Variants in EDIL3 observed in about 807,000 individuals in gnomAD.
EDIL3 encodes the protein EGF-like repeat and discoidin I-like domain-containing protein 3.
A neutral mutation model predicts 67.4 loss-of-function variants in EDIL3; 37 were observed. That is an observed-to-expected ratio of 0.55 (90% CI 0.42 to 0.72). The LOEUF is 0.72. Among genes scored for constraint, EDIL3 ranks in the 30% least tolerant of loss-of-function variants. The probability of loss-of-function intolerance (pLI) is 0.00; values close to 1 mark genes in which losing one functional copy is unlikely to be tolerated. For synonymous variants in EDIL3, 195 were observed against 196.3 expected, an observed-to-expected ratio of 0.99 and a Z score of 0.05; for missense variants, 527 against 586.3, an observed-to-expected ratio of 0.90 and a Z score of 1.04.
At chr5:84,375,388 T>C (rs73146543) in intron 1 of EDIL3, among the ~76,000 whole-genome samples, 156 of 152,306 alleles carry the variant, frequency 1.0e-3, no homozygotes, top group African/African-American at 3.6e-3. Context: ...AACCATATTT[T>C]GGTTGAATAA....
chr5:84,108,359 T>C (rs1160312841), intron 5 of EDIL3, among the ~76,000 whole-genome samples: 2 of 152,090 alleles, frequency 1.3e-5, no homozygotes, highest in East Asian at 3.8e-4. Context: ...ATTAATACAG[T>C]AAAAATTGCA....
At chr5:84,282,687 G>C (rs1015945137) in intron 1 of EDIL3, among the ~76,000 whole-genome samples, 2 of 151,984 alleles carry the variant, frequency 1.3e-5, no homozygotes, top group Admixed American at 1.3e-4. Flanking sequence ...TTCAAGCAGT[G>C]GTATCTACTT....
chr5:84,327,510 C>G (rs1471916864), intron 1 of EDIL3, among the ~76,000 whole-genome samples: 1 of 151,830 alleles, frequency 6.6e-6, no homozygotes, highest in African/African-American at 2.4e-5. Context: ...ACTATGTAGT[C>G]TTCACAAATT....
intron 6 of EDIL3, among the ~76,000 whole-genome samples, chr5:84,100,260 T>C (rs1747338544): frequency 6.6e-6 from 1 of 152,108 alleles, no homozygotes; most frequent in African/African-American, 2.4e-5. Flanking sequence ...CATGCTGCTA[T>C]AAAGACACAT....
At chr5:84,080,568 T>C (rs1580317421) in intron 6 of EDIL3, among the ~76,000 whole-genome samples, 1 of 151,958 alleles carries the variant, frequency 6.6e-6, no homozygotes, top group Non-Finnish European at 1.5e-5. Flanking sequence ...GTGATTGTTA[T>C]TCTACTTATG....
chr5:84,137,340 C>A lies in EDIL3; in HGVS notation c.370G>T (p.Glu124Ter), dbSNP rs539658658. 1 of 1,612,602 alleles carries A rather than the reference C, an allele frequency of 6.2e-7. No homozygotes were observed. Among genetic ancestry groups the A allele is most frequent in the Non-Finnish European group, 8.5e-7 (1 of 1,179,514 alleles). Residue 124 changes from glutamate to a stop codon, truncating the protein, a stop_gained, in exon 5 of 11, where the codon GAA becomes TAA. Coordinates refer to ENST00000296591, the MANE Select transcript of EDIL3 (RefSeq NM_005711.5). LOFTEE classifies it high-confidence loss of function. ...IHCQHNINEC[E>*]VEPCKNGGIC... ...CCACCATTTTTGCAAGGCTCAACTT[C>A]GCATTCATTTATGTCTAAGAAAAAC...
At chr5:84,031,235 G>A (rs933523881) in intron 9 of EDIL3, among the ~76,000 whole-genome samples, 2 of 152,112 alleles carry the variant, frequency 1.3e-5, no homozygotes, top group Non-Finnish European at 2.9e-5. Flanking sequence ...AAATTTTGGG[G>A]CGACACAATT....
chr5:84,373,101 G>A (rs767337446), intron 1 of EDIL3, among the ~76,000 whole-genome samples: 5 of 151,844 alleles, frequency 3.3e-5, no homozygotes, highest in East Asian at 1.9e-4. Context: ...CTCTAAAAAC[G>A]CCCAGTTTTA....
intron 1 of EDIL3, among the ~76,000 whole-genome samples, chr5:84,352,135 AC>A (rs1747373828): frequency 6.6e-6 from 1 of 152,224 alleles, no homozygotes; most frequent in South Asian, 2.1e-4. Context: ...AATTAAAAAA[AC>A]AACAGATGTT....
intron 4 of EDIL3, among the ~76,000 whole-genome samples, chr5:84,168,931 T>C (rs1467143214): frequency 6.6e-6 from 1 of 152,202 alleles, no homozygotes; most frequent in Non-Finnish European, 1.5e-5. Context: ...GTCCTCTCTA[T>C]GGCTTACACG....
At chr5:84,321,259 C>A (rs564586401) in intron 1 of EDIL3, among the ~76,000 whole-genome samples, 25 of 152,008 alleles carry the variant, frequency 1.6e-4, no homozygotes, top group African/African-American at 6.0e-4. Flanking sequence ...TTGAAAATAT[C>A]TTTCATTTGT....
chr5:84,067,516 AC>A (rs1225304773), intron 6 of EDIL3, among the ~76,000 whole-genome samples: 1 of 152,126 alleles, frequency 6.6e-6, no homozygotes, highest in Non-Finnish European at 1.5e-5. Flanking sequence ...GCTATAAATC[AC>A]CCTCTCCAAA....
chr5:84,227,321 C>T (rs1307882565), intron 3 of EDIL3, among the ~76,000 whole-genome samples: 1 of 151,844 alleles, frequency 6.6e-6, no homozygotes, highest in Non-Finnish European at 1.5e-5. Flanking sequence ...AGCCAACAAG[C>T]ATGTGAAAAA....
intron 1 of EDIL3, among the ~76,000 whole-genome samples, chr5:84,274,297 C>T (rs1745531837): frequency 1.3e-5 from 2 of 151,864 alleles, no homozygotes; most frequent in South Asian, 4.2e-4. Flanking sequence ...AGACAGGGTC[C>T]CACTGTGTTG....
intron 1 of EDIL3, among the ~76,000 whole-genome samples, chr5:84,304,886 T>G (rs1746235620): frequency 1.3e-5 from 2 of 152,208 alleles, no homozygotes; most frequent in Non-Finnish European, 2.9e-5. Context: ...GGCAATGCTT[T>G]GGAAATATAT....
chr5:83,990,737 G>A (rs1745135603), intron 9 of EDIL3, among the ~76,000 whole-genome samples: 1 of 151,664 alleles, frequency 6.6e-6, no homozygotes, highest in South Asian at 2.1e-4. Context: ...AAAATTAGCT[G>A]GGCATGGTAG....
chr5:84,154,858 C>G (rs1340854668), intron 4 of EDIL3, among the ~76,000 whole-genome samples: 2 of 152,000 alleles, frequency 1.3e-5, no homozygotes, highest in South Asian at 4.2e-4. Flanking sequence ...CGCCACCACG[C>G]CCAGCTAATT....
intron 3 of EDIL3, among the ~76,000 whole-genome samples, chr5:84,213,436 C>T (rs965199753): frequency 6.6e-6 from 1 of 152,162 alleles, no homozygotes; most frequent in African/African-American, 2.4e-5. Flanking sequence ...CTTAAGCTGT[C>T]CTTTAAAGAA....
chr5:84,080,298 C>CAAAAAAA (rs369961167), intron 6 of EDIL3, among the ~76,000 whole-genome samples: 26 of 54,276 alleles, frequency 4.8e-4, no homozygotes, highest in African/African-American at 1.7e-3. Context: ...GACTCTGTCT[C>CAAAAAAA]AAAAAAAAAA....
Sources: allele counts gnomAD v4.1 joint callset (sites outside exome capture counted in the v4.1 genomes callset), GRCh38; gene constraint gnomAD v4.1.1; transcripts MANE v1.5; gene names NCBI Gene and HGNC (gene_info 2026-07-23, HGNC 2026-07-21).